The following SMAP2 variants were observed in gnomAD, a reference collection of about 807,000 sequenced individuals.
The protein encoded by SMAP2 is small ArfGAP2.
Under a neutral mutation model 56.4 loss-of-function variants are expected in SMAP2, and 25 were observed. That is an observed-to-expected ratio of 0.44 (90% CI 0.32 to 0.62). The LOEUF (loss-of-function observed/expected upper bound fraction) is 0.62. Ranked by LOEUF, SMAP2 falls within the 20% of genes least tolerant of loss-of-function variation. The probability of loss-of-function intolerance (pLI) is 0.04; values close to 1 mark genes in which losing one functional copy is unlikely to be tolerated. For missense variants in SMAP2, 388 were observed against 545.6 expected (o/e 0.71, Z 2.88); for synonymous variants, 157 against 181.7 (o/e 0.86, Z 1.09).
intron 1 of SMAP2, chr1:40,393,537 CTAACTTTT>C (rs1276554998): frequency 5.3e-5 from 51 of 954,512 alleles, no homozygotes; most frequent in Non-Finnish European, 7.6e-5. Context: ...AGTAGTTCTT[CTAACTTTT>C]TTTTTTTTTT....
At chr1:40,357,968 TA>T in intron 1 of SMAP2, among the ~76,000 whole-genome samples, 1 of 152,122 alleles carries the variant, frequency 6.6e-6, no homozygotes, top group Non-Finnish European at 1.5e-5. Context: ...TGAGGAATGT[TA>T]TTGGTTTTTT....
intron 1 of SMAP2, among the ~76,000 whole-genome samples, chr1:40,388,478 C>T (rs574086864): frequency 3.3e-5 from 5 of 152,186 alleles, no homozygotes; most frequent in African/African-American, 9.6e-5. Flanking sequence ...TATCTAGCTA[C>T]TCTGGTGGGG....
chr1:40,349,839 A>T (rs1028152619), intron 1 of SMAP2, among the ~76,000 whole-genome samples: 1 of 152,184 alleles, frequency 6.6e-6, no homozygotes, highest in Admixed American at 6.6e-5. Context: ...TTTCTCTGCA[A>T]TCCCAGCATC....
At chr1:40,345,083 C>T (rs1198335418) in intron 1 of SMAP2, among the ~76,000 whole-genome samples, 3 of 151,192 alleles carry the variant, frequency 2.0e-5, no homozygotes, top group African/African-American at 7.3e-5. Context: ...CATTTATTTG[C>T]TTTTATTTTT....
Position 40,385,216 on chromosome 1 carries a change from C to T in SMAP2, c.103+10993C>T, listed in dbSNP as rs909640363. Among the ~76,000 whole-genome samples, 6 of 152,124 alleles carry T rather than the reference C, an allele frequency of 3.9e-5. No individual in the cohort carries two copies. The highest frequency in any genetic ancestry group is 7.2e-5 in the African/African-American group (3 of 41,426). On this transcript the variant is annotated intron_variant, in intron 1 of 9. Coordinates refer to ENST00000372718, the MANE Select transcript of SMAP2 (RefSeq NM_022733.3). The surrounding 1 kb of genome is among the most constrained non-coding windows in gnomAD (Gnocchi z 4.5). ...AATCCCACCTTTGTAGCATGTCACTCGGTAGTAGTAGAATTTTATTATTGT... is the reference window on the plus strand; with the variant it reads ...AATCCCACCTTTGTAGCATGTCACTTGGTAGTAGTAGAATTTTATTATTGT...
intron 1 of SMAP2, among the ~76,000 whole-genome samples, chr1:40,387,354 A>G (rs778872606): frequency 6.6e-6 from 1 of 152,226 alleles, no homozygotes; most frequent in Non-Finnish European, 1.5e-5. Context: ...ATTTTTTAAC[A>G]ATACAAATAA....
intron 1 of SMAP2, chr1:40,375,767 A>G: frequency 2.0e-6 from 2 of 984,558 alleles, no homozygotes; most frequent in Non-Finnish European, 2.4e-6. Context: ...ACAGTGAAGC[A>G]ACCCACTGGA....
intron 1 of SMAP2, among the ~76,000 whole-genome samples, chr1:40,376,150 C>A (rs572518263): frequency 5.3e-5 from 8 of 152,078 alleles, no homozygotes; most frequent in Admixed American, 3.9e-4. Flanking sequence ...AGGGTTTCAC[C>A]ATGTTGGCCA....
chr1:40,393,418 T>C (rs1644736389), intron 1 of SMAP2: 4 of 1,535,558 alleles, frequency 2.6e-6, no homozygotes, highest in Non-Finnish European at 2.6e-6. Flanking sequence ...AAAGGCTTCA[T>C]GGGGAAAGTG....
intron 1 of SMAP2, among the ~76,000 whole-genome samples, chr1:40,398,761 C>T (rs1644798957): frequency 6.6e-6 from 1 of 152,122 alleles, no homozygotes; most frequent in South Asian, 2.1e-4. Flanking sequence ...ACCTCAGCCT[C>T]CTGAATAGCT....
chr1:40,378,024 G>C (rs981174243), intron 1 of SMAP2, among the ~76,000 whole-genome samples: 1 of 152,232 alleles, frequency 6.6e-6, no homozygotes, highest in Non-Finnish European at 1.5e-5. Flanking sequence ...TGCTATGCCA[G>C]TAGTTGTTAC....
intron 1 of SMAP2, among the ~76,000 whole-genome samples, chr1:40,354,432 G>A (rs1204784881): frequency 4.6e-5 from 7 of 151,644 alleles, no homozygotes; most frequent in African/African-American, 1.7e-4. Flanking sequence ...TCCGCCTCCC[G>A]GGTTCAAGTG....
chr1:40,380,068 A>C (rs1644582434), intron 1 of SMAP2, among the ~76,000 whole-genome samples: 1 of 152,224 alleles, frequency 6.6e-6, no homozygotes, highest in Non-Finnish European at 1.5e-5. Context: ...CTTGTAAACT[A>C]ATGTGTTACA....
At chr1:40,414,122 C>T (rs771911853) in intron 5 of SMAP2, 37 bp from the exon 6 acceptor site, 2 of 1,599,370 alleles carry the variant, frequency 1.3e-6, no homozygotes, top group Non-Finnish European at 1.7e-6. Flanking sequence ...TTCAAAACCA[C>T]CTGCTTATTT....
chr1:40,418,197 A>G (rs954468501), intron 9 of SMAP2, among the ~76,000 whole-genome samples: 2 of 152,236 alleles, frequency 1.3e-5, no homozygotes, highest in Non-Finnish European at 2.9e-5. Context: ...ATGCTGTGAA[A>G]TGAAAGTTTA....
intron 1 of SMAP2, among the ~76,000 whole-genome samples, chr1:40,352,434 A>AT (rs1447595698): frequency 6.6e-6 from 1 of 152,152 alleles, no homozygotes; most frequent in Non-Finnish European, 1.5e-5. Context: ...ATTGCTCGGA[A>AT]AAGAACTCCA....
chr1:40,359,246 G>A (rs2124172888), intron 1 of SMAP2, among the ~76,000 whole-genome samples: 1 of 152,286 alleles, frequency 6.6e-6, no homozygotes, highest in East Asian at 1.9e-4. Context: ...GGAACTACAA[G>A]TGCGTGCCAC....
chr1:40,399,317 T>TA (rs1557441746), intron 1 of SMAP2, among the ~76,000 whole-genome samples: 2 of 134,224 alleles, frequency 1.5e-5, no homozygotes, highest in East Asian at 4.4e-4. Context: ...GCTATTTTTT[T>TA]TTTTTTTTTT....
At chr1:40,414,018 C>T in intron 5 of SMAP2, 141 bp from the exon 6 acceptor site, 2 of 693,472 alleles carry the variant, frequency 2.9e-6, no homozygotes, top group African/African-American at 1.8e-5. Context: ...TCACCTAATA[C>T]TTCCTGAGTT....
Sources: allele counts gnomAD v4.1 joint callset (sites outside exome capture counted in the v4.1 genomes callset), GRCh38; gene constraint gnomAD v4.1.1; non-coding constraint Gnocchi (gnomAD v3.1); transcripts MANE v1.5; gene names NCBI Gene and HGNC (gene_info 2026-07-23, HGNC 2026-07-21).